GYPB: variants seen among roughly 807,000 people sequenced by gnomAD.
GYPB encodes the protein glycophorin B (MNS blood group), also known as glycophorin-B.
Under a neutral mutation model 15.3 loss-of-function variants are expected in GYPB, and 13 were observed. That is an observed-to-expected ratio of 0.85 (90% CI 0.55 to 1.35). The LOEUF (loss-of-function observed/expected upper bound fraction) is 1.35, where lower values mean the gene tolerates loss of function less well. Ranked by LOEUF, GYPB falls within the 40% of genes most tolerant of loss-of-function variation. GYPB has a pLI of 0.00. For synonymous variants in GYPB, 38 were observed against 36.9 expected (o/e 1.03, Z -0.11); for missense variants, 131 against 108.3 (o/e 1.21, Z -0.93).
chr4:144,001,085 G>A lies in GYPB; in HGVS notation c.136+100C>T. On this transcript the variant is annotated intron_variant, in intron 2 of 4. Coordinates refer to ENST00000502664, the MANE Select transcript of GYPB (RefSeq NM_002100.6). ...GTGTCTACTTAGCTCGCATTTCTCAGTGTTTGTCAGTTTCTCTGCAGTGAC... is the reference window on the plus strand; with the variant it reads ...GTGTCTACTTAGCTCGCATTTCTCAATGTTTGTCAGTTTCTCTGCAGTGAC... The A allele has an allele frequency of 5.0e-6, 8 of 1,591,598 alleles. 1 individual carries two copies. The South Asian group carries it at 7.9e-5, about 16-fold the overall frequency.
At chr4:144,017,792 T>C (rs1728584701) in intron 1 of GYPB, among the ~76,000 whole-genome samples, 1 of 151,366 alleles carries the variant, frequency 6.6e-6, no homozygotes, top group Non-Finnish European at 1.5e-5. Context: ...TACATCTTTT[T>C]TTCTGTGTAA....
In GYPB at chr4:144,004,192, C is replaced by T. The variant is rs563941634; in HGVS notation, c.38-2909G>A. On this transcript the variant is annotated intron_variant, in intron 1 of 4. Transcript: ENST00000502664. ...AACTTCTTATAGTCACCTAAATCAACACAGTAAGAAAATAAACATATAAAT... is the reference window on the plus strand; with the variant it reads ...AACTTCTTATAGTCACCTAAATCAATACAGTAAGAAAATAAACATATAAAT... Among the ~76,000 whole-genome samples the T allele has an allele frequency of 3.3e-5, 5 of 151,960 alleles. No homozygotes were observed. The South Asian group carries it at 1.0e-3, about 31-fold the overall frequency.
intron 1 of GYPB, among the ~76,000 whole-genome samples, chr4:144,007,832 C>T (rs1347331508): frequency 6.6e-6 from 1 of 151,218 alleles, no homozygotes; most frequent in Non-Finnish European, 1.5e-5. Context: ...GAGATAGGGT[C>T]TCACCATATT....
At chr4:144,002,396 T>A (rs1000813739) in intron 1 of GYPB, among the ~76,000 whole-genome samples, 1 of 151,592 alleles carries the variant, frequency 6.6e-6, no homozygotes, top group African/African-American at 2.4e-5. Flanking sequence ...GATATCCCTA[T>A]GCTGTCAAAT....
At chr4:144,010,884 A>AG (rs1728181262) in intron 1 of GYPB, among the ~76,000 whole-genome samples, 1 of 151,504 alleles carries the variant, frequency 6.6e-6, no homozygotes, top group Non-Finnish European at 1.5e-5. Context: ...AATTACAAGT[A>AG]GGCTGTATAC....
intron 1 of GYPB, among the ~76,000 whole-genome samples, chr4:144,016,193 A>T (rs1057119049): frequency 2.1e-5 from 3 of 144,804 alleles, no homozygotes; most frequent in African/African-American, 7.8e-5. Flanking sequence ...TTCTTCACTT[A>T]ACATGTGCTT....
chr4:143,996,963 G>T (rs1411715868), intron 4 of GYPB, among the ~76,000 whole-genome samples: 1 of 150,842 alleles, frequency 6.6e-6, no homozygotes, highest in Non-Finnish European at 1.5e-5. Flanking sequence ...CTGGAGTGCA[G>T]TAGCATGATC....
rs114679123 is a variant in GYPB at position 144,001,349 on chromosome 4, C to T, written c.38-66G>A. ...TGACTGAGCAGACCATAAAGCATAT[C>T]ACAAAAGACAAATTCCTCTCACATC... On this transcript the variant is annotated intron_variant, in intron 1 of 4. Transcript: ENST00000502664. The T allele has an allele frequency of 2.0e-3, 3,289 of 1,610,850 alleles. 222 individuals are homozygous for T. The African/African-American group carries it at 0.039, about 19-fold the overall frequency.
chr4:144,004,781 A>C (rs1398994996), intron 1 of GYPB, among the ~76,000 whole-genome samples: 1 of 151,898 alleles, frequency 6.6e-6, no homozygotes, highest in Non-Finnish European at 1.5e-5. Flanking sequence ...TGGCTCTCCT[A>C]GATTCCTAAG....
At chr4:144,007,982 G>A (rs920297854) in intron 1 of GYPB, among the ~76,000 whole-genome samples, 7 of 151,356 alleles carry the variant, frequency 4.6e-5, no homozygotes, top group Non-Finnish European at 8.8e-5. Context: ...ATGAATCATG[G>A]AAATCTGTAT....
chr4:144,001,496 A>G (rs1727625894), intron 1 of GYPB, among the ~76,000 whole-genome samples: 1 of 151,454 alleles, frequency 6.6e-6, no homozygotes, highest in South Asian at 2.1e-4. Flanking sequence ...GCCCCTCCAG[A>G]ATTTTTGTAC....
chr4:144,010,007 T>A (rs1579063775), intron 1 of GYPB, among the ~76,000 whole-genome samples: 1 of 151,310 alleles, frequency 6.6e-6, no homozygotes. Flanking sequence ...AGGCTATAGT[T>A]TGCTTGGCCC....
chr4:144,003,631 A>G (rs143195760), intron 1 of GYPB, among the ~76,000 whole-genome samples: 1 of 151,706 alleles, frequency 6.6e-6, no homozygotes, highest in Non-Finnish European at 1.5e-5. Flanking sequence ...TAAGAAAATG[A>G]AAACATGCTT....
chr4:144,018,983 T>C (rs545846469), intron 1 of GYPB, among the ~76,000 whole-genome samples: 2 of 151,542 alleles, frequency 1.3e-5, no homozygotes, highest in African/African-American at 4.9e-5. Flanking sequence ...TAGCATTTGA[T>C]AAAATTATTT....
intron 2 of GYPB, chr4:144,000,364 T>G: frequency 1.5e-6 from 1 of 689,050 alleles, no homozygotes; most frequent in South Asian, 2.3e-5. Flanking sequence ...AGAGAAACTA[T>G]TTAAAACTAA....
Position 144,002,239 on chromosome 4 carries a change from T to C in GYPB, c.38-956A>G, listed in dbSNP as rs1265014209. ...AATATAAAATTCATCTACAGTCAGC[T>C]GATGCAATGTTGAACATTTGACACA... On this transcript the variant is annotated intron_variant, in intron 1 of 4. Coordinates refer to ENST00000502664, the MANE Select transcript of GYPB (RefSeq NM_002100.6). Among the ~76,000 whole-genome samples, 7 of 151,544 alleles carry C rather than the reference T, an allele frequency of 4.6e-5. 1 individual carries two copies. In the South Asian group the frequency reaches 6.2e-4, roughly 13 times the overall value.
At chr4:144,009,391 A>C (rs1369095699) in intron 1 of GYPB, among the ~76,000 whole-genome samples, 1 of 150,980 alleles carries the variant, frequency 6.6e-6, no homozygotes, top group Non-Finnish European at 1.5e-5. Context: ...TAACTACTTT[A>C]GGATTTGTGG....
intron 4 of GYPB, among the ~76,000 whole-genome samples, chr4:143,997,030 C>A: frequency 6.6e-6 from 1 of 150,992 alleles, no homozygotes; most frequent in East Asian, 1.9e-4. Flanking sequence ...CTTCAGCCCC[C>A]TGAATAGCTG....
intron 1 of GYPB, among the ~76,000 whole-genome samples, chr4:144,018,639 T>G (rs530848990): frequency 6.6e-6 from 1 of 151,600 alleles, no homozygotes; most frequent in Non-Finnish European, 1.5e-5. Context: ...ATTGAATTAA[T>G]ACAATTTAAT....
Sources: gnomAD v4.1 joint callset for allele counts (sites outside exome capture counted in the v4.1 genomes callset) on GRCh38, gnomAD v4.1.1 for gene constraint, MANE v1.5 for transcripts, NCBI Gene and HGNC (gene_info 2026-07-23, HGNC 2026-07-21) for gene names.